ADARB2: variants seen among roughly 807,000 people sequenced by gnomAD.
ADARB2 encodes adenosine deaminase RNA specific B2 (inactive).
In ADARB2, 25 loss-of-function variants were observed where a neutral mutation model predicts 62.2. The ratio of observed to expected loss-of-function variants is 0.40; its 90% CI spans 0.29 to 0.56. The LOEUF is 0.56. Among genes scored for constraint, ADARB2 ranks in the 20% least tolerant of loss-of-function variants. ADARB2 has a pLI of 0.43. For missense variants in ADARB2, 1,071 were observed against 1,077.4 expected (o/e 0.99, Z 0.08); for synonymous variants, 572 against 500.8 (o/e 1.14, Z -1.90).
chr10:1,456,649 C>G (rs768262729), intron 1 of ADARB2, among the ~76,000 whole-genome samples: 2 of 152,130 alleles, frequency 1.3e-5, no homozygotes, highest in Non-Finnish European at 2.9e-5. Flanking sequence ...AAGGTGTGCT[C>G]GAGACGCGCG....
At chr10:1,465,124 C>T (rs955427604) in intron 1 of ADARB2, among the ~76,000 whole-genome samples, 12 of 152,170 alleles carry the variant, frequency 7.9e-5, no homozygotes, top group African/African-American at 1.9e-4. Flanking sequence ...GTGACAGGCA[C>T]GGGCTCAGGC....
intron 1 of ADARB2, among the ~76,000 whole-genome samples, chr10:1,543,229 C>A (rs1250538027): frequency 2.0e-5 from 3 of 152,224 alleles, no homozygotes; most frequent in Admixed American, 1.3e-4. Flanking sequence ...CCTGCCCGCC[C>A]TCCTCTACCA....
chr10:1,538,313 A>AG (rs1473338342), intron 1 of ADARB2, among the ~76,000 whole-genome samples: 2 of 152,180 alleles, frequency 1.3e-5, no homozygotes, highest in Non-Finnish European at 2.9e-5. Context: ...GGTGTCCCAC[A>AG]GGGGTCTTGA....
chr10:1,610,870 A>AT (rs1219149353), intron 1 of ADARB2, among the ~76,000 whole-genome samples: 6 of 152,076 alleles, frequency 3.9e-5, no homozygotes. Flanking sequence ...ATACATACAC[A>AT]TACAAACACA....
In ADARB2 at chr10:1,279,882, C is replaced by T. The variant is rs764551000; in HGVS notation, c.1078-8813G>A. On this transcript the variant is annotated intron_variant, in intron 3 of 9. Coordinates refer to ENST00000381312, the MANE Select transcript of ADARB2 (RefSeq NM_018702.4). ...GCTTCAGGGTGGGCAAATTGCACCCCGAGTCCCACCCATTCCTGATTCAGG... is the reference window on the plus strand; with the variant it reads ...GCTTCAGGGTGGGCAAATTGCACCCTGAGTCCCACCCATTCCTGATTCAGG... Among the ~76,000 whole-genome samples, 9 of 152,156 alleles carry T rather than the reference C, an allele frequency of 5.9e-5. No homozygotes were observed. The South Asian group carries it at 6.2e-4, about 11-fold the overall frequency.
At chr10:1,710,822 T>G (rs935156215) in intron 1 of ADARB2, among the ~76,000 whole-genome samples, 4 of 152,092 alleles carry the variant, frequency 2.6e-5, no homozygotes, top group Admixed American at 2.6e-4. Context: ...GGCTTCACCT[T>G]CACTCCTTGT....
rs141819613 is a variant in ADARB2 at position 1,318,687 on chromosome 10, C to G, written c.1077+44341G>C. 2.0e-5 allele frequency among the ~76,000 whole-genome samples: 3 copies of G among 152,314 alleles called. No homozygotes were observed. The East Asian group carries it at 5.8e-4, about 29-fold the overall frequency. On this transcript the variant is annotated intron_variant, in intron 3 of 9. Transcript: ENST00000381312. Reference sequence around the variant, plus strand: ...CTGCTCGAGACTGTGTTTGGGAATGCCTTCTGTGACCTCTAAAGTGTTGTC... The same window carrying G: ...CTGCTCGAGACTGTGTTTGGGAATGGCTTCTGTGACCTCTAAAGTGTTGTC...
At chr10:1,346,843 A>G (rs886153759) in intron 3 of ADARB2, among the ~76,000 whole-genome samples, 19 of 152,362 alleles carry the variant, frequency 1.2e-4, no homozygotes, top group African/African-American at 3.6e-4. Flanking sequence ...TTTAATGGAA[A>G]ATACTACAGG....
At chr10:1,715,182 A>G (rs1346923929) in intron 1 of ADARB2, among the ~76,000 whole-genome samples, 2 of 152,040 alleles carry the variant, frequency 1.3e-5, no homozygotes, top group Non-Finnish European at 2.9e-5. Flanking sequence ...AGAAGTCTCT[A>G]AATCATTCTG....
chr10:1,476,037 TA>T (rs1234127397), intron 1 of ADARB2, among the ~76,000 whole-genome samples: 1 of 152,222 alleles, frequency 6.6e-6, no homozygotes, highest in Non-Finnish European at 1.5e-5. Flanking sequence ...TTTGCATTTT[TA>T]ACAAAAGAAA....
In ADARB2 at chr10:1,464,249, G is replaced by A. The variant is rs867927029; in HGVS notation, c.101-85089C>T. On this transcript the variant is annotated intron_variant, in intron 1 of 9. Coordinates refer to ENST00000381312, the MANE Select transcript of ADARB2 (RefSeq NM_018702.4). ...GGACAGTCACAGCGGGCAGTGCGCC[G>A]GAGAAGAGGGTGGACACACACTCCC... is the stretch of plus-strand genomic sequence containing the variant. 2.1e-4 allele frequency among the ~76,000 whole-genome samples: 27 copies of A among 125,754 alleles called. 1 individual carries two copies. Among genetic ancestry groups the A allele is most frequent in the African/African-American group, 4.5e-4 (15 of 33,314 alleles). The allele number at this position is 125,754 out of a possible 152,430, so 82.5% of individuals were successfully genotyped here.
chr10:1,654,292 G>A (rs1306836563), intron 1 of ADARB2, among the ~76,000 whole-genome samples: 1 of 152,176 alleles, frequency 6.6e-6, no homozygotes, highest in Non-Finnish European at 1.5e-5. Flanking sequence ...TGGCCATGGG[G>A]ACAGGAAGTG....
chr10:1,490,467 T>G (rs1243959543), intron 1 of ADARB2, among the ~76,000 whole-genome samples: 3 of 152,216 alleles, frequency 2.0e-5, no homozygotes, highest in Admixed American at 6.5e-5. Flanking sequence ...TTAATTTTGT[T>G]TTTCTGAGAC....
At chr10:1,509,379 G>C (rs1351033306) in intron 1 of ADARB2, among the ~76,000 whole-genome samples, 1 of 152,088 alleles carries the variant, frequency 6.6e-6, no homozygotes, top group Non-Finnish European at 1.5e-5. Context: ...AATTTAGCTC[G>C]ATGCTTTCTC....
chr10:1,412,772 C>A (rs1832770206), intron 1 of ADARB2, among the ~76,000 whole-genome samples: 1 of 152,190 alleles, frequency 6.6e-6, no homozygotes, highest in African/African-American at 2.4e-5. Flanking sequence ...CCCGCACCAC[C>A]TGTGGGAAGC....
chr10:1,349,185 T>A (rs1832110655), intron 3 of ADARB2, among the ~76,000 whole-genome samples: 1 of 152,140 alleles, frequency 6.6e-6, no homozygotes, highest in African/African-American at 2.4e-5. Context: ...GTCCTTCTCC[T>A]GGCTCATCCT....
intron 1 of ADARB2, among the ~76,000 whole-genome samples, chr10:1,416,182 G>A (rs755497421): frequency 1.2e-4 from 19 of 152,140 alleles, no homozygotes; most frequent in Admixed American, 2.0e-4. Context: ...GAACATATGC[G>A]GTTCATATTC....
At chr10:1,231,818 A>G (rs1161402274) in intron 6 of ADARB2, among the ~76,000 whole-genome samples, 3 of 152,184 alleles carry the variant, frequency 2.0e-5, no homozygotes, top group Non-Finnish European at 4.4e-5. Context: ...GCTGGAGGGA[A>G]GTCCGCAAAA....
chr10:1,546,797 T>C (rs1298327510), intron 1 of ADARB2, among the ~76,000 whole-genome samples: 1 of 152,202 alleles, frequency 6.6e-6, no homozygotes, highest in Non-Finnish European at 1.5e-5. Flanking sequence ...GCCATTCCGA[T>C]GGAAGGCCCT....
Sources: gnomAD v4.1 joint callset for allele counts (sites outside exome capture counted in the v4.1 genomes callset) on GRCh38, gnomAD v4.1.1 for gene constraint, MANE v1.5 for transcripts, NCBI Gene and HGNC (gene_info 2026-07-23, HGNC 2026-07-21) for gene names.